The following SLC13A1 variants were observed in gnomAD, a reference collection of about 807,000 sequenced individuals.
SLC13A1 encodes the protein solute carrier family 13 member 1.
SLC13A1 carries 65 observed loss-of-function variants against 70.0 expected under a neutral mutation model. The observed-to-expected ratio is 0.93, with a 90% CI of 0.76 to 1.14. SLC13A1 has a LOEUF of 1.14. Ranked by LOEUF, SLC13A1 falls within the 50% of genes most tolerant of loss-of-function variation. SLC13A1 has a pLI of 0.00. For missense variants in SLC13A1, 726 were observed against 717.8 expected (o/e 1.01, Z -0.13); for synonymous variants, 275 against 250.5 (o/e 1.10, Z -0.92).
Position 123,143,798 on chromosome 7 carries a change from C to T in SLC13A1, c.812+3361G>A, listed in dbSNP as rs890582012. Among the ~76,000 whole-genome samples the T allele has an allele frequency of 3.9e-5, 6 of 152,236 alleles. No homozygotes were observed. In the East Asian group the frequency reaches 1.2e-3, roughly 29 times the overall value. ...CTATCCATGGAGCCCTGTATTCCAC[C>T]ATCTTGCTCTGCCCCTTTCTTCCTG... On this transcript the variant is annotated intron_variant, in intron 7 of 14. Coordinates refer to ENST00000194130, the MANE Select transcript of SLC13A1 (RefSeq NM_022444.4).
At chr7:123,143,211 A>G (rs1396656987) in intron 7 of SLC13A1, among the ~76,000 whole-genome samples, 2 of 151,202 alleles carry the variant, frequency 1.3e-5, no homozygotes, top group Non-Finnish European at 2.9e-5. Flanking sequence ...GGATATGAGG[A>G]CTCCCTTAGC....
intron 6 of SLC13A1, among the ~76,000 whole-genome samples, chr7:123,163,805 C>A (rs188162845): frequency 6.6e-6 from 1 of 151,822 alleles, no homozygotes; most frequent in Admixed American, 6.6e-5. Context: ...TGAATTTTCC[C>A]TGATGGTTAA....
In SLC13A1 at chr7:123,168,436, T is replaced by G. The variant is rs1458451172; in HGVS notation, c.612-14A>C. 9 of 1,592,678 alleles carry G rather than the reference T, an allele frequency of 5.7e-6. No individual in the cohort carries two copies. The highest frequency in any genetic ancestry group is 7.7e-6 in the Non-Finnish European group (9 of 1,164,294). ...TCATTATTGTATCTGAAAAATACAT[T>G]GATCCAGTTATAATTTTATTAAAAT... is the stretch of plus-strand genomic sequence containing the variant. On this transcript the variant is annotated splice_polypyrimidine_tract_variant and intron_variant, in intron 5 of 14. Transcript: ENST00000194130.
At chr7:123,185,970 C>T (rs987797645) in intron 1 of SLC13A1, among the ~76,000 whole-genome samples, 14 of 152,104 alleles carry the variant, frequency 9.2e-5, no homozygotes, top group Admixed American at 2.6e-4. Flanking sequence ...TGCTTCCTTC[C>T]TCTAATTCCT....
Position 123,134,520 on chromosome 7 carries a change from A to G in SLC13A1, c.822T>C (p.Pro274=). The change falls in exon 8 of 15, where the codon CCT becomes CCC. Residue 274 remains proline, a synonymous_variant. Transcript: ENST00000194130. ...ATCCAAAGTTGAGGCAACGACAGTC[A>G]GGATAGCGTCTGTGTGAAAACATGG... is the stretch of plus-strand genomic sequence containing the variant. ...IFAEYFNTRY[P]DCRCLNFGSW... is the part of the protein sequence containing the mutation. 1.2e-6 allele frequency: 2 copies of G among 1,613,252 alleles called. No individual in the cohort carries two copies. Among genetic ancestry groups the G allele is most frequent in the Non-Finnish European group, 1.7e-6 (2 of 1,179,444 alleles).
chr7:123,115,027 C>T lies in SLC13A1; in HGVS notation c.*491G>A, dbSNP rs1793133019. ...ATTTAGATTAAACTTTTCTCTTCAT[C>T]ACCAGATGACCATGGCTTTGATTTC... On this transcript the variant is annotated 3_prime_UTR_variant, in exon 15 of 15. Coordinates refer to ENST00000194130, the MANE Select transcript of SLC13A1 (RefSeq NM_022444.4). 2 of 152,304 alleles carry T rather than the reference C, an allele frequency of 1.3e-5. No individual in the cohort carries two copies. The highest frequency in any genetic ancestry group is 4.1e-4 in the South Asian group (2 of 4,846). The allele number at this position is 152,304 out of a possible 1,614,324, so 9.4% of individuals were successfully genotyped here.
At chr7:123,129,043 A>C in intron 9 of SLC13A1, 97 bp from the exon 10 acceptor site, 1 of 813,208 alleles carries the variant, frequency 1.2e-6, no homozygotes, top group Non-Finnish European at 2.1e-6. Context: ...GCAGTAGAAC[A>C]CTAAACACTG....
In SLC13A1 at chr7:123,126,328, T is replaced by A. The variant is rs192288599; in HGVS notation, c.1134-653A>T. ...CCAATGCTCACAAATGATCACCATA[T>A]AAATTAAGACTGATTCAGGAACAGA... is the stretch of plus-strand genomic sequence containing the variant. On this transcript the variant is annotated intron_variant, in intron 10 of 14. Transcript: ENST00000194130. 2.6e-5 allele frequency among the ~76,000 whole-genome samples: 4 copies of A among 152,248 alleles called. No homozygotes were observed. In the East Asian group the frequency reaches 7.7e-4, roughly 29 times the overall value.
intron 10 of SLC13A1, among the ~76,000 whole-genome samples, chr7:123,126,321 C>T (rs1274170261): frequency 2.6e-5 from 4 of 152,142 alleles, no homozygotes; most frequent in Non-Finnish European, 5.9e-5. Context: ...CACAAATGAT[C>T]ACCATATAAA....
intron 6 of SLC13A1, among the ~76,000 whole-genome samples, chr7:123,157,138 G>T (rs1390408344): frequency 6.6e-6 from 1 of 152,012 alleles, no homozygotes; most frequent in Non-Finnish European, 1.5e-5. Context: ...AGAAATTATT[G>T]AATGAAAGTA....
At chr7:123,151,343 A>G (rs898548708) in intron 6 of SLC13A1, among the ~76,000 whole-genome samples, 1 of 148,224 alleles carries the variant, frequency 6.7e-6, no homozygotes, top group African/African-American at 2.5e-5. Flanking sequence ...ACAAAACAAA[A>G]CTATATATAT....
At chr7:123,141,485 C>A (rs1375868902) in intron 7 of SLC13A1, among the ~76,000 whole-genome samples, 2 of 152,062 alleles carry the variant, frequency 1.3e-5, no homozygotes, top group African/African-American at 4.8e-5. Context: ...TTTGGAAGGT[C>A]CATCTAATGC....
chr7:123,177,027 T>C (rs1795469416), intron 2 of SLC13A1, among the ~76,000 whole-genome samples: 1 of 152,142 alleles, frequency 6.6e-6, no homozygotes, highest in African/African-American at 2.4e-5. Flanking sequence ...CTGGACTCTT[T>C]TGTATTCAAC....
intron 6 of SLC13A1, among the ~76,000 whole-genome samples, chr7:123,166,538 T>C (rs1313320052): frequency 6.6e-6 from 1 of 152,100 alleles, no homozygotes; most frequent in Non-Finnish European, 1.5e-5. Flanking sequence ...ATGCTATCCG[T>C]CCCCCCTTCC....
chr7:123,128,306 C>A (rs1585297056), intron 10 of SLC13A1, among the ~76,000 whole-genome samples: 1 of 151,986 alleles, frequency 6.6e-6, no homozygotes, highest in Non-Finnish European at 1.5e-5. Context: ...TGAATTTATA[C>A]CAGATTATTA....
chr7:123,128,529 A>G (rs181632777), intron 10 of SLC13A1, among the ~76,000 whole-genome samples: 2 of 152,184 alleles, frequency 1.3e-5, no homozygotes, highest in Admixed American at 1.3e-4. Flanking sequence ...ACCACAGAAC[A>G]TAGCCTTTGT....
At chr7:123,174,395 T>G (rs543130128) in intron 2 of SLC13A1, among the ~76,000 whole-genome samples, 1 of 152,170 alleles carries the variant, frequency 6.6e-6, no homozygotes, top group African/African-American at 2.4e-5. Context: ...TTGTAGTTAA[T>G]GTAAACATCT....
intron 1 of SLC13A1, among the ~76,000 whole-genome samples, chr7:123,196,998 T>C (rs572489126): frequency 2.6e-5 from 4 of 152,296 alleles, no homozygotes; most frequent in Admixed American, 2.6e-4. Context: ...AGCACATTTG[T>C]ACTTGTTTAT....
chr7:123,139,272 A>G (rs144264168), intron 7 of SLC13A1, among the ~76,000 whole-genome samples: 12 of 152,128 alleles, frequency 7.9e-5, no homozygotes, highest in African/African-American at 2.9e-4. Context: ...CCATTGGTCT[A>G]TGTGTCTGTT....
Sources: allele counts gnomAD v4.1 joint callset (sites outside exome capture counted in the v4.1 genomes callset), GRCh38; gene constraint gnomAD v4.1.1; transcripts MANE v1.5; gene names NCBI Gene and HGNC (gene_info 2026-07-23, HGNC 2026-07-21).